The following PCDH19 variants were observed in gnomAD, a reference collection of about 807,000 sequenced individuals.
PCDH19 encodes protocadherin 19.
Under a neutral mutation model 46.2 loss-of-function variants are expected in PCDH19, and 6 were observed. The ratio of observed to expected loss-of-function variants is 0.13; its 90% confidence interval spans 0.07 to 0.26. PCDH19 has a LOEUF of 0.26. Among genes scored for constraint, PCDH19 ranks in the 10% least tolerant of loss-of-function variants. The pLI, the probability that PCDH19 is intolerant of heterozygous loss-of-function variation, is 1.00. For missense variants in PCDH19, 740 were observed against 972.3 expected (o/e 0.76, Z 3.18); for synonymous variants, 481 against 415.7 (o/e 1.16, Z -1.91).
At chrX:100,356,967 C>T (rs1257678925) in intron 3 of PCDH19, among the ~76,000 whole-genome samples, 2 of 111,417 alleles carry the variant, frequency 1.8e-5, no homozygotes, top group East Asian at 2.8e-4. Context: ...ACCAAAAGGA[C>T]TCCATGTTGC....
chrX:100,349,076 C>A (rs760269344), intron 4 of PCDH19, among the ~76,000 whole-genome samples: 1 of 110,988 alleles, frequency 9.0e-6, no homozygotes, highest in South Asian at 4.0e-4. Context: ...CGCCCAGCAT[C>A]ATGTTATCTG....
chrX:100,408,160 C>G lies in PCDH19; in HGVS notation c.438G>C (p.Thr146=), dbSNP rs776584913. The change falls in exon 1 of 6, where the codon ACG becomes ACC. Residue 146 remains threonine (T), a synonymous_variant. Coordinates refer to ENST00000373034, the MANE Select transcript of PCDH19 (RefSeq NM_001184880.2). ...CGTAAGCGCTGTCCAGCGGGATGCGCGTGCCAGGGCTGGCTGCCTCCGAGA... is the reference window on the plus strand; with the variant it reads ...CGTAAGCGCTGTCCAGCGGGATGCGGGTGCCAGGGCTGGCTGCCTCCGAGA... The part of the protein sequence containing the change: ...LEISEAASPG[T]RIPLDSAYDP... The G allele has an allele frequency of 1.7e-6, 2 of 1,210,808 alleles. No homozygotes were observed. Among genetic ancestry groups the G allele is most frequent in the African/African-American group, 1.7e-5 (1 of 57,503 alleles).
intron 3 of PCDH19, among the ~76,000 whole-genome samples, chrX:100,360,121 T>G (rs1166986986): frequency 1.8e-5 from 2 of 111,883 alleles, no homozygotes. Context: ...GGTGGCCTTG[T>G]GCCTTTGGGC....
At chrX:100,384,238 T>C (rs936381858) in intron 3 of PCDH19, among the ~76,000 whole-genome samples, 9 of 111,373 alleles carry the variant, frequency 8.1e-5, no homozygotes, top group South Asian at 3.7e-4. Context: ...AAACACTATG[T>C]CAAAAATAAG....
intron 3 of PCDH19, among the ~76,000 whole-genome samples, chrX:100,353,682 CA>C (rs1926631484): frequency 8.9e-6 from 1 of 112,029 alleles, no homozygotes; most frequent in Admixed American, 9.5e-5. Context: ...ATGTGCCAGG[CA>C]TGATCTGCTA....
chrX:100,328,675 C>T (rs1379712841), intron 5 of PCDH19, among the ~76,000 whole-genome samples: 2 of 111,663 alleles, frequency 1.8e-5, no homozygotes, highest in Non-Finnish European at 3.8e-5. Context: ...CTGCCGCCTA[C>T]TTCAGTACCA....
At chrX:100,327,320 C>T (rs1021055252) in intron 5 of PCDH19, among the ~76,000 whole-genome samples, 3 of 112,096 alleles carry the variant, frequency 2.7e-5, no homozygotes, top group Non-Finnish European at 3.8e-5. Flanking sequence ...ATTGAGGATT[C>T]GAACAAATAA....
At chrX:100,367,771 G>A (rs1413824242) in intron 3 of PCDH19, among the ~76,000 whole-genome samples, 1 of 111,338 alleles carries the variant, frequency 9.0e-6, no homozygotes, top group African/African-American at 3.3e-5. Flanking sequence ...CAACATTTAG[G>A]CCATAGCAAG....
Position 100,408,491 on chromosome X carries a change from C to T in PCDH19, c.107G>A (p.Gly36Glu). 8.3e-7 allele frequency: 1 copy of T among 1,203,002 alleles called. No homozygotes were observed. Among genetic ancestry groups the T allele is most frequent in the Non-Finnish European group, 1.1e-6 (1 of 893,150 alleles). Residue 36 changes from glycine to glutamate, a missense_variant, in exon 1 of 6, where the codon GGG (glycine) becomes GAG (glutamate). This residue lies in a region of PCDH19 where 81 missense variants were observed against 96.5 expected (regional missense o/e 0.84). Coordinates refer to ENST00000373034, the MANE Select transcript of PCDH19 (RefSeq NM_001184880.2). ...TTTGGCCACGTTGGCAATCACCGTC[C>T]CGGCGCGCTGCTCCTCTTCTACCGA... The part of the protein sequence containing the change: ...KYSVEEEQRA[G>E]TVIANVAKDA...
At chrX:100,382,047 A>G (rs1395998897) in intron 3 of PCDH19, among the ~76,000 whole-genome samples, 1 of 110,840 alleles carries the variant, frequency 9.0e-6, no homozygotes, top group African/African-American at 3.3e-5. Context: ...TTAGTACTCA[A>G]CTGCTGACTA....
chrX:100,333,183 G>GAAAGAAAGAAAGAA (rs1569294726), intron 5 of PCDH19, among the ~76,000 whole-genome samples: 28 of 43,431 alleles, frequency 6.4e-4, no homozygotes, highest in Admixed American at 1.1e-3. Context: ...GGGAGAGAGA[G>GAAAGAAAGAAAGAA]AGAAAGAAAG....
chrX:100,321,129 C>T (rs1197165554), intron 5 of PCDH19, among the ~76,000 whole-genome samples: 1 of 111,963 alleles, frequency 8.9e-6, no homozygotes, highest in African/African-American at 3.2e-5. Flanking sequence ...TCCTTTTTAT[C>T]ACTGGTAGTA....
intron 5 of PCDH19, among the ~76,000 whole-genome samples, chrX:100,314,960 T>G (rs1322447719): frequency 1.8e-5 from 2 of 111,922 alleles, no homozygotes; most frequent in Non-Finnish European, 3.8e-5. Context: ...TCATCTCTCT[T>G]CCTTCAGTTT....
intron 3 of PCDH19, among the ~76,000 whole-genome samples, chrX:100,365,963 T>G (rs1291145918): frequency 1.8e-5 from 2 of 111,770 alleles, no homozygotes; most frequent in Non-Finnish European, 3.8e-5. Context: ...AAAGTGAAAA[T>G]TAGTGTAAAT....
chrX:100,331,460 T>C (rs1445391179), intron 5 of PCDH19, among the ~76,000 whole-genome samples: 2 of 111,910 alleles, frequency 1.8e-5, no homozygotes, highest in East Asian at 5.6e-4. Flanking sequence ...AAGAAGAACC[T>C]GTGTGTGATC....
intron 3 of PCDH19, 102 bp from the exon 4 acceptor site, chrX:100,350,806 G>C (rs1445279704): frequency 6.5e-5 from 38 of 580,541 alleles, no homozygotes; most frequent in Non-Finnish European, 1.1e-4. Flanking sequence ...TCAAGAAGCA[G>C]TGAGTGAATT....
At chrX:100,309,106 G>C (rs1378438599) in intron 5 of PCDH19, among the ~76,000 whole-genome samples, 1 of 107,303 alleles carries the variant, frequency 9.3e-6, no homozygotes, top group African/African-American at 3.4e-5. Flanking sequence ...TATGGAACCA[G>C]CCCAAATGCC....
At chrX:100,332,372 A>C (rs1925897852) in intron 5 of PCDH19, among the ~76,000 whole-genome samples, 1 of 110,706 alleles carries the variant, frequency 9.0e-6, no homozygotes, top group South Asian at 3.9e-4. Context: ...AAGTACAAAA[A>C]TTAGCTGGGC....
At chrX:100,376,079 T>G in intron 3 of PCDH19, among the ~76,000 whole-genome samples, 1 of 108,972 alleles carries the variant, frequency 9.2e-6, no homozygotes, top group Admixed American at 9.8e-5. Flanking sequence ...TCTACTAAAT[T>G]ACAAAATTAG....
Sources: allele counts gnomAD v4.1 joint callset (sites outside exome capture counted in the v4.1 genomes callset), GRCh38; gene constraint gnomAD v4.1.1; regional missense constraint gnomAD v4.1.1; transcripts MANE v1.5; gene names NCBI Gene and HGNC (gene_info 2026-07-23, HGNC 2026-07-21).